ARRDC5: variants seen among roughly 807,000 people sequenced by gnomAD.
ARRDC5 encodes arrestin domain-containing protein 5.
In ARRDC5, 12 loss-of-function variants were observed where a neutral mutation model predicts 13.3. That is an observed-to-expected ratio of 0.90 (90% CI 0.58 to 1.46). The LOEUF (loss-of-function observed/expected upper bound fraction) is 1.46. Ranked by LOEUF, ARRDC5 falls within the 40% of genes most tolerant of loss-of-function variation. ARRDC5 has a pLI of 0.00. For missense variants in ARRDC5, 406 were observed against 418.7 expected, an observed-to-expected ratio of 0.97 and a Z score of 0.26; for synonymous variants, 181 against 173.4, an observed-to-expected ratio of 1.04 and a Z score of -0.34.
rs371851302 is a variant in ARRDC5, at chr19:4,893,060, G to A, written c.460-1487C>T. On this transcript the variant is annotated intron_variant, in intron 2 of 2. Coordinates refer to ENST00000650722, the MANE Select transcript of ARRDC5 (RefSeq NM_001080523.3). ...GGAGGTTGAAGTTAGCTGAGATCGC[G>A]CCACTGCACTCCAGTCTGGCGAAAG... is the stretch of plus-strand genomic sequence containing the variant. Among the ~76,000 whole-genome samples, 23 of 146,200 alleles carry A rather than the reference G, an allele frequency of 1.6e-4. No homozygotes were observed. In the East Asian group the frequency reaches 3.4e-3, roughly 22 times the overall value.
At chr19:4,911,473 T>C in the ARRDC5 span, among the ~76,000 whole-genome samples, 15 of 152,126 alleles carry the variant, frequency 9.9e-5, no homozygotes, top group Non-Finnish European at 1.6e-4. Context: ...CGGTTAAGCA[T>C]CAGACCCTGC....
chr19:4,896,570 T>G, intron 2 of ARRDC5, 101 bp downstream of exon 2: 1 of 868,576 alleles, frequency 1.2e-6, no homozygotes, highest in Non-Finnish European at 1.9e-6. Flanking sequence ...CACCCTTCCC[T>G]TCTCCCCATG....
Position 4,896,760 on chromosome 19 carries a change from A to G in ARRDC5, c.370T>C (p.Cys124Arg), listed in dbSNP as rs755696462. 4.3e-6 allele frequency: 7 copies of G among 1,613,844 alleles called. No individual in the cohort carries two copies. Among genetic ancestry groups the G allele is most frequent in the East Asian group, 2.2e-5 (1 of 44,874 alleles). Residue 124 changes from cysteine (C) to arginine (R), a missense_variant, in exon 2 of 3, where the codon TGC (cysteine) becomes CGC (arginine). Physicochemically the swap from Cys to Arg is radical, Grantham distance 180. Coordinates refer to ENST00000650722, the MANE Select transcript of ARRDC5 (RefSeq NM_001080523.3). ...GHVFYFVQAS[C>R]MGREHILAKK... ...GCTAAAATGTGTTCCCTGCCCATGC[A>G]GGAAGCTTGTACGAAATAGAAGACA...
chr19:4,909,579 C>T, the ARRDC5 span: 2 of 654,432 alleles, frequency 3.1e-6, no homozygotes, highest in Non-Finnish European at 2.7e-6. Context: ...GGGGTCCGGG[C>T]CACGCACGCG....
the ARRDC5 span, chr19:4,909,315 G>A: frequency 5.4e-6 from 3 of 555,502 alleles, no homozygotes; most frequent in Non-Finnish European, 9.5e-6. Context: ...CCAGCAGAGC[G>A]CGCAGGGCTG....
intron 2 of ARRDC5, among the ~76,000 whole-genome samples, chr19:4,896,053 G>A (rs1012563110): frequency 2.6e-5 from 4 of 152,082 alleles, no homozygotes; most frequent in Admixed American, 6.6e-5. Context: ...GGTGGCTCAC[G>A]CCTGTAATCC....
rs2031465640 is a variant in ARRDC5, at chr19:4,890,500, C to T, written c.*546G>A. ...CTCAAACTCCTGGTCTCAAGTGATC[C>T]TCCAGCCATGGCCTCCTAAAGTCCT... On this transcript the variant is annotated 3_prime_UTR_variant, in exon 3 of 3. Coordinates refer to ENST00000650722, the MANE Select transcript of ARRDC5 (RefSeq NM_001080523.3). 6.6e-6 allele frequency: 1 copy of T among 152,664 alleles called. No individual in the cohort carries two copies. The highest frequency in any genetic ancestry group is 1.5e-5 in the Non-Finnish European group (1 of 68,920). The allele number at this position is 152,664 out of a possible 1,614,324, so 9.5% of individuals were successfully genotyped here.
At chr19:4,909,351 AGGCGCCGTGGACAGAGGCGGG>A in the ARRDC5 span, 133 of 593,322 alleles carry the variant, frequency 2.2e-4, no homozygotes, top group Middle Eastern at 2.8e-4. Flanking sequence ...CACTAGGCGG[AGGCGCCGTGGACAGAGGCGGG>A]GGCGCCCCCC....
chr19:4,907,899 A>T, the ARRDC5 span, among the ~76,000 whole-genome samples: 1 of 150,230 alleles, frequency 6.7e-6, no homozygotes, highest in African/African-American at 2.4e-5. Context: ...TTTAGTAGAA[A>T]CGGGGTTTCT....
chr19:4,914,061 C>G, the ARRDC5 span, among the ~76,000 whole-genome samples: 2 of 151,904 alleles, frequency 1.3e-5, no homozygotes, highest in Non-Finnish European at 2.9e-5. Flanking sequence ...GTGATTCACA[C>G]CCCCCTCCCC....
the ARRDC5 span, chr19:4,909,314 C>G: frequency 7.3e-6 from 4 of 549,396 alleles, no homozygotes; most frequent in Non-Finnish European, 1.3e-5. Flanking sequence ...CCCAGCAGAG[C>G]GCGCAGGGCT....
chr19:4,913,584 G>T, the ARRDC5 span, among the ~76,000 whole-genome samples: 1 of 151,982 alleles, frequency 6.6e-6, no homozygotes, highest in Non-Finnish European at 1.5e-5. Flanking sequence ...TTGTCAGGAT[G>T]TCCGCAGTGA....
upstream of ARRDC5, chr19:4,903,032 T>C (rs1464098998): frequency 1.8e-6 from 1 of 548,140 alleles, no homozygotes; most frequent in East Asian, 3.3e-5. Flanking sequence ...ACTGGTTCTT[T>C]TTTTTTTTTT....
upstream of ARRDC5, chr19:4,903,678 T>C (rs551499574): frequency 6.6e-5 from 10 of 152,108 alleles, no homozygotes; most frequent in African/African-American, 2.4e-4. Flanking sequence ...AATTTTTGTA[T>C]TTTTAGTAGA....
At chr19:4,909,439 C>T in the ARRDC5 span, 1 of 653,604 alleles carries the variant, frequency 1.5e-6, no homozygotes, top group South Asian at 1.6e-5. Context: ...GGCGCCCGCC[C>T]CCGGCACGGC....
At chr19:4,914,656 C>CT in the ARRDC5 span, among the ~76,000 whole-genome samples, 5,447 of 139,208 alleles carry the variant, frequency 0.039, 288 homozygotes, top group African/African-American at 0.13. Flanking sequence ...ACCCCTCAAT[C>CT]TTTTTTTTTT....
chr19:4,899,764 C>CAA (rs1217500792), intron 1 of ARRDC5, among the ~76,000 whole-genome samples: 1,402 of 67,894 alleles, frequency 0.021, 103 homozygotes, highest in African/African-American at 0.068. Context: ...CCCGTCTCTA[C>CAA]AAAAAAAAAA....
intron 2 of ARRDC5, among the ~76,000 whole-genome samples, chr19:4,896,052 C>T (rs907861046): frequency 2.6e-5 from 4 of 152,156 alleles, no homozygotes; most frequent in East Asian, 1.9e-4. Flanking sequence ...TGGTGGCTCA[C>T]GCCTGTAATC....
At chr19:4,915,195 C>T in the ARRDC5 span, among the ~76,000 whole-genome samples, 1 of 152,222 alleles carries the variant, frequency 6.6e-6, no homozygotes, top group Admixed American at 6.5e-5. Flanking sequence ...CCTCAGGTGT[C>T]CCCACTGGAC....
Sources: allele counts gnomAD v4.1 joint callset (sites outside exome capture counted in the v4.1 genomes callset), GRCh38; gene constraint gnomAD v4.1.1; transcripts MANE v1.5; gene names NCBI Gene and HGNC (gene_info 2026-07-23, HGNC 2026-07-21).